The following RAB3IL1 variants were observed in gnomAD, a reference collection of about 807,000 sequenced individuals.
RAB3IL1 encodes the protein guanine nucleotide exchange factor for Rab-3A.
A neutral mutation model predicts 49.2 loss-of-function variants in RAB3IL1; 37 were observed. The observed-to-expected ratio is 0.75, with a 90% CI of 0.58 to 0.99. The LOEUF (loss-of-function observed/expected upper bound fraction) is 0.99, where lower values mean the gene tolerates loss of function less well. Among genes scored for constraint, RAB3IL1 ranks in the 50% least tolerant of loss-of-function variants. The pLI is 0.00. For synonymous variants in RAB3IL1, 193 were observed against 213.9 expected, an observed-to-expected ratio of 0.90 and a Z score of 0.85; for missense variants, 484 against 513.0, an observed-to-expected ratio of 0.94 and a Z score of 0.55.
chr11:61,933,227 A>G, the RAB3IL1 span, among the ~76,000 whole-genome samples: 1 of 152,358 alleles, frequency 6.6e-6, no homozygotes, highest in South Asian at 2.1e-4. Flanking sequence ...TAAGTTAAGG[A>G]CCGTGAGATG....
At chr11:61,918,292 TG>T (rs1939798317), upstream of RAB3IL1, among the ~76,000 whole-genome samples, 1 of 152,226 alleles carries the variant, frequency 6.6e-6, no homozygotes, top group Non-Finnish European at 1.5e-5. Context: ...AACTTCAGCC[TG>T]GGACTGGACC....
chr11:61,925,522 C>T, the RAB3IL1 span, among the ~76,000 whole-genome samples: 1 of 151,988 alleles, frequency 6.6e-6, no homozygotes, highest in Non-Finnish European at 1.5e-5. Context: ...GTAATCCCAG[C>T]TACTTGGGAG....
In RAB3IL1 at chr11:61,907,779, A is replaced by T. The variant is rs1020248237; in HGVS notation, c.265-119T>A. On this transcript the variant is annotated intron_variant, in intron 2 of 9. Transcript: ENST00000394836. ...TCATTTTATGTGGGGCTCAGAGTTTATTTCCTCTGGTGCCTGACAGTTTGT... is the reference window on the plus strand; with the variant it reads ...TCATTTTATGTGGGGCTCAGAGTTTTTTTCCTCTGGTGCCTGACAGTTTGT... 3 of 997,118 alleles carry T rather than the reference A, an allele frequency of 3.0e-6. No individual in the cohort carries two copies. The Admixed American group carries it at 7.3e-5, about 24-fold the overall frequency. 61.8% of individuals were successfully genotyped at this position (997,118 alleles called of 1,614,324 possible). A position where few individuals can be genotyped will look rare whatever the true frequency, so the allele number is the denominator to read the frequency against.
the RAB3IL1 span, among the ~76,000 whole-genome samples, chr11:61,927,927 T>G: frequency 6.6e-6 from 1 of 152,136 alleles, no homozygotes; most frequent in South Asian, 2.1e-4. Flanking sequence ...TTACCCAGCG[T>G]TGAGTAGTTC....
At chr11:61,936,206 GGA>G in the RAB3IL1 span, among the ~76,000 whole-genome samples, 1 of 152,150 alleles carries the variant, frequency 6.6e-6, no homozygotes, top group Non-Finnish European at 1.5e-5. Flanking sequence ...AGTCCCAGAT[GGA>G]GAGGAGGCAG....
chr11:61,919,614 G>T (rs940398319), upstream of RAB3IL1, among the ~76,000 whole-genome samples: 14 of 152,202 alleles, frequency 9.2e-5, no homozygotes, highest in Non-Finnish European at 1.9e-4. Context: ...GCAGCAAGAG[G>T]TTCCTGAGCA....
upstream of RAB3IL1, among the ~76,000 whole-genome samples, chr11:61,923,167 T>C (rs544948436): frequency 6.6e-6 from 1 of 152,286 alleles, no homozygotes; most frequent in South Asian, 2.1e-4. Context: ...TTGGACTGGA[T>C]GGGAAGCTTT....
At position 61,906,744 on chromosome 11, in the gene RAB3IL1, C is replaced by A; in HGVS notation, c.439-60G>T. 6.8e-7 allele frequency: 1 copy of A among 1,477,592 alleles called. No homozygotes were observed. Among genetic ancestry groups the A allele is most frequent in the Non-Finnish European group, 9.2e-7 (1 of 1,082,536 alleles). 91.5% of individuals were successfully genotyped at this position (1,477,592 alleles called of 1,614,324 possible). On this transcript the variant is annotated intron_variant, in intron 4 of 9. Transcript: ENST00000394836. The surrounding 1 kb of genome is among the most constrained non-coding windows in gnomAD (Gnocchi z 4.6). ...AGACTGGATGCCATCCTGGCTGCCACCGCCTATCAGCCTAACTCAGGACAA... is the reference window on the plus strand; with the variant it reads ...AGACTGGATGCCATCCTGGCTGCCAACGCCTATCAGCCTAACTCAGGACAA...
At chr11:61,913,933 C>A (rs1349681281) in intron 1 of RAB3IL1, among the ~76,000 whole-genome samples, 1 of 152,176 alleles carries the variant, frequency 6.6e-6, no homozygotes. Flanking sequence ...CCCCCAACAC[C>A]CATGTCCTGA....
intron 1 of RAB3IL1, among the ~76,000 whole-genome samples, chr11:61,912,409 G>A (rs1939492528): frequency 6.6e-6 from 1 of 152,200 alleles, no homozygotes; most frequent in Non-Finnish European, 1.5e-5. Context: ...AGGCCAGCCT[G>A]CAAGCCCAGC....
intron 7 of RAB3IL1, among the ~76,000 whole-genome samples, chr11:61,903,366 C>G (rs1939017374): frequency 6.6e-6 from 1 of 152,312 alleles, no homozygotes; most frequent in East Asian, 1.9e-4. Context: ...TCATCTTTCT[C>G]TCTTGCTTTC....
At chr11:61,925,482 C>T in the RAB3IL1 span, among the ~76,000 whole-genome samples, 5 of 151,900 alleles carry the variant, frequency 3.3e-5, no homozygotes, top group Non-Finnish European at 1.5e-5. Flanking sequence ...TAAAAATACA[C>T]GAATTAGCCA....
At chr11:61,909,796 G>A (rs1438920427) in intron 1 of RAB3IL1, among the ~76,000 whole-genome samples, 1 of 152,178 alleles carries the variant, frequency 6.6e-6, no homozygotes, top group Non-Finnish European at 1.5e-5. Context: ...CTCTGACCAC[G>A]CTGTCTCCTT....
chr11:61,899,710 A>G, intron 8 of RAB3IL1: 1 of 324,836 alleles, frequency 3.1e-6, no homozygotes, highest in South Asian at 3.4e-5. Flanking sequence ...CTAATGAACC[A>G]GCATGCAGCA....
At chr11:61,943,146 CAT>C in the RAB3IL1 span, among the ~76,000 whole-genome samples, 1 of 152,172 alleles carries the variant, frequency 6.6e-6, no homozygotes, top group Non-Finnish European at 1.5e-5. Context: ...ATTGAAGTGA[CAT>C]ATAGCTCAAT....
chr11:61,918,856 G>C (rs1355467671), upstream of RAB3IL1, among the ~76,000 whole-genome samples: 1 of 152,184 alleles, frequency 6.6e-6, no homozygotes, highest in Admixed American at 6.5e-5. Flanking sequence ...GAATCATTCA[G>C]CCCAGGCGTC....
chr11:61,910,400 G>C (rs1001041772), intron 1 of RAB3IL1, among the ~76,000 whole-genome samples: 3 of 152,250 alleles, frequency 2.0e-5, no homozygotes, highest in African/African-American at 4.8e-5. Context: ...GGCCTGGGCA[G>C]GGGGAGCTGT....
intron 7 of RAB3IL1, among the ~76,000 whole-genome samples, chr11:61,903,814 T>C (rs574067392): frequency 6.6e-6 from 1 of 152,164 alleles, no homozygotes; most frequent in Admixed American, 6.5e-5. Context: ...TGTGAGCCAC[T>C]GCACCCGGCC....
At chr11:61,929,774 C>A in the RAB3IL1 span, among the ~76,000 whole-genome samples, 1 of 150,520 alleles carries the variant, frequency 6.6e-6, no homozygotes, top group Non-Finnish European at 1.5e-5. Flanking sequence ...TTAGTAGAGA[C>A]GGGGTTTCAC....
Sources: allele counts gnomAD v4.1 joint callset (sites outside exome capture counted in the v4.1 genomes callset), GRCh38; gene constraint gnomAD v4.1.1; non-coding constraint Gnocchi (gnomAD v3.1); transcripts MANE v1.5; gene names NCBI Gene and HGNC (gene_info 2026-07-23, HGNC 2026-07-21).